Variants in CSMD1 observed in about 807,000 individuals in gnomAD.
CSMD1 encodes the protein CUB and sushi domain-containing protein 1.
In CSMD1, 213 loss-of-function variants were observed where a neutral mutation model predicts 417.5. The ratio of observed to expected loss-of-function variants is 0.51; its 90% CI spans 0.46 to 0.57. The LOEUF (loss-of-function observed/expected upper bound fraction) is 0.57, where lower values mean the gene tolerates loss of function less well. Among genes scored for constraint, CSMD1 ranks in the 20% least tolerant of loss-of-function variants. The pLI, the probability that CSMD1 is intolerant of heterozygous loss-of-function variation, is 0.00. For missense variants in CSMD1, 6,923 were observed against 4,529.7 expected, an observed-to-expected ratio of 1.53 and a Z score of -15.17; for synonymous variants, 2,862 against 1,736.8, an observed-to-expected ratio of 1.65 and a Z score of -16.11.
At chr8:3,337,547 A>C (rs2117578636) in intron 23 of CSMD1, among the ~76,000 whole-genome samples, 1 of 152,308 alleles carries the variant, frequency 6.6e-6, no homozygotes, top group South Asian at 2.1e-4. Context: ...GTTCTCGGTA[A>C]GCGATGGCCA....
chr8:4,441,570 C>G (rs1416821237), intron 2 of CSMD1, among the ~76,000 whole-genome samples: 1 of 152,088 alleles, frequency 6.6e-6, no homozygotes, highest in African/African-American at 2.4e-5. Flanking sequence ...CCTATCTCAT[C>G]TATGCAAACA....
chr8:3,302,218 G>A, intron 25 of CSMD1, among the ~76,000 whole-genome samples: 1 of 152,194 alleles, frequency 6.6e-6, no homozygotes, highest in East Asian at 1.9e-4. Context: ...TGTCAGGGAA[G>A]TTTGGATCAG....
intron 7 of CSMD1, among the ~76,000 whole-genome samples, chr8:3,680,511 C>G (rs1003435157): frequency 3.9e-5 from 6 of 152,138 alleles, no homozygotes; most frequent in Non-Finnish European, 1.5e-5. Context: ...TCTGAATAGA[C>G]CAATAACAGG....
At chr8:4,861,814 A>G (rs1432086752) in intron 1 of CSMD1, among the ~76,000 whole-genome samples, 2 of 152,098 alleles carry the variant, frequency 1.3e-5, no homozygotes, top group African/African-American at 4.8e-5. Context: ...TTTATTAAAG[A>G]ATTATGTATT....
chr8:4,214,091 T>C (rs1430766952), intron 3 of CSMD1, among the ~76,000 whole-genome samples: 1 of 152,132 alleles, frequency 6.6e-6, no homozygotes, highest in African/African-American at 2.4e-5. Context: ...TCCAGCATCT[T>C]ACTCCCTCAA....
intron 49 of CSMD1, among the ~76,000 whole-genome samples, chr8:3,064,244 T>TG (rs145158896): frequency 6.6e-6 from 1 of 152,348 alleles, no homozygotes; most frequent in African/African-American, 2.4e-5. Context: ...TTTGTGTACC[T>TG]GCCCAAATCT....
chr8:4,696,104 A>G (rs1467779881), intron 1 of CSMD1, among the ~76,000 whole-genome samples: 1 of 152,216 alleles, frequency 6.6e-6, no homozygotes, highest in Non-Finnish European at 1.5e-5. Flanking sequence ...ACAGCCTTCA[A>G]CAAGGATAAT....
At chr8:4,712,757 T>C (rs915842466) in intron 1 of CSMD1, among the ~76,000 whole-genome samples, 3 of 152,178 alleles carry the variant, frequency 2.0e-5, no homozygotes, top group Non-Finnish European at 4.4e-5. Flanking sequence ...TTTTGTTTCC[T>C]CCTTCTTTCT....
intron 50 of CSMD1, among the ~76,000 whole-genome samples, chr8:3,042,939 T>C (rs1811205873): frequency 6.6e-6 from 1 of 151,720 alleles, no homozygotes; most frequent in South Asian, 2.1e-4. Context: ...ATATAGTATA[T>C]ATAGTGATAT....
At position 3,284,508 on chromosome 8, in the gene CSMD1, C is replaced by T. The variant is rs1166732953; in HGVS notation, c.3951-162G>A. 3.5e-5 allele frequency: 22 copies of T among 624,160 alleles called. No homozygotes were observed. The South Asian group carries it at 3.8e-4, about 11-fold the overall frequency. 38.7% of individuals were successfully genotyped at this position (624,160 alleles called of 1,614,324 possible). A position where few individuals can be genotyped will look rare whatever the true frequency, so the allele number is the denominator to read the frequency against. On this transcript the variant is annotated intron_variant, in intron 25 of 69. Transcript: ENST00000635120. ...GAAGGATGAGGAAAATGAGGCTCAC[C>T]GAAGATAATTCAGGAGTGTAAATTA...
At chr8:3,912,072 C>G (rs1808499101) in intron 5 of CSMD1, among the ~76,000 whole-genome samples, 2 of 152,156 alleles carry the variant, frequency 1.3e-5, no homozygotes, top group African/African-American at 2.4e-5. Flanking sequence ...TTGACTGAGT[C>G]TTTTCAAACC....
chr8:4,992,571 G>T (rs1811529541), intron 1 of CSMD1, among the ~76,000 whole-genome samples: 1 of 152,134 alleles, frequency 6.6e-6, no homozygotes, highest in Admixed American at 6.5e-5. Flanking sequence ...CCTGTCCCTT[G>T]GGCTCCTGCC....
chr8:4,145,257 C>T (rs1484200239), intron 3 of CSMD1, among the ~76,000 whole-genome samples: 1 of 151,006 alleles, frequency 6.6e-6, no homozygotes, highest in Admixed American at 6.6e-5. Flanking sequence ...ACAGGTATAA[C>T]TGGAACTTGT....
At chr8:4,721,947 A>T (rs187053334) in intron 1 of CSMD1, among the ~76,000 whole-genome samples, 1 of 152,222 alleles carries the variant, frequency 6.6e-6, no homozygotes, top group African/African-American at 2.4e-5. Flanking sequence ...AATTTATTTC[A>T]TATCTATAAT....
At chr8:4,876,627 G>C (rs563364763) in intron 1 of CSMD1, among the ~76,000 whole-genome samples, 1 of 152,014 alleles carries the variant, frequency 6.6e-6, no homozygotes, top group African/African-American at 2.4e-5. Context: ...GTTCACAATA[G>C]GTTATTTAGG....
intron 3 of CSMD1, among the ~76,000 whole-genome samples, chr8:4,249,135 G>A (rs1266082325): frequency 1.3e-5 from 2 of 152,104 alleles, no homozygotes; most frequent in Non-Finnish European, 2.9e-5. Context: ...AAACTTTCGT[G>A]GGAAAATATA....
intron 6 of CSMD1, among the ~76,000 whole-genome samples, chr8:3,746,783 G>A (rs951002296): frequency 6.6e-6 from 1 of 152,090 alleles, no homozygotes; most frequent in African/African-American, 2.4e-5. Context: ...TTACATTTAT[G>A]ACTTTTTAAT....
Position 4,567,574 on chromosome 8 carries a change from A to G in CSMD1, c.302+69768T>C, listed in dbSNP as rs572835353. Among the ~76,000 whole-genome samples the G allele has an allele frequency of 1.6e-3, 251 of 152,336 alleles. 1 individual carries two copies. Among genetic ancestry groups the G allele is most frequent in the African/African-American group, 5.8e-3 (242 of 41,578 alleles). On this transcript the variant is annotated intron_variant, in intron 2 of 69. Transcript: ENST00000635120. Reference sequence around the variant, plus strand: ...TTCATTAAGTGTCTGAATTAGTCACAAAATTGAGCTTGAAAACCCCACAGA... The same window carrying G: ...TTCATTAAGTGTCTGAATTAGTCACGAAATTGAGCTTGAAAACCCCACAGA...
At chr8:3,044,329 G>T (rs964824387) in intron 50 of CSMD1, among the ~76,000 whole-genome samples, 20 of 151,920 alleles carry the variant, frequency 1.3e-4, no homozygotes, top group African/African-American at 4.6e-4. Flanking sequence ...TCTAACTTTT[G>T]TGACCTACCA....
Sources: gnomAD v4.1 joint callset for allele counts (sites outside exome capture counted in the v4.1 genomes callset) on GRCh38, gnomAD v4.1.1 for gene constraint, MANE v1.5 for transcripts, NCBI Gene and HGNC (gene_info 2026-07-23, HGNC 2026-07-21) for gene names.